CUX2: variants seen among roughly 807,000 people sequenced by gnomAD.
CUX2 encodes the protein homeobox protein cut-like 2.
CUX2 carries 40 observed loss-of-function variants against 144.8 expected under a neutral mutation model. The observed-to-expected ratio is 0.28, with a 90% CI of 0.21 to 0.36. CUX2 has a LOEUF of 0.36. Ranked by LOEUF, CUX2 falls within the 10% of genes least tolerant of loss-of-function variation. The pLI, the probability that CUX2 is intolerant of heterozygous loss-of-function variation, is 1.00. For synonymous variants in CUX2, 827 were observed against 875.6 expected (o/e 0.94, Z 0.98); for missense variants, 1,615 against 1,994.0 (o/e 0.81, Z 3.62).
chr12:111,202,836 T>C (rs1438508846), intron 1 of CUX2, among the ~76,000 whole-genome samples: 1 of 152,070 alleles, frequency 6.6e-6, no homozygotes, highest in Non-Finnish European at 1.5e-5. Flanking sequence ...CAGGACAGGC[T>C]TCTGGGAGAA....
At chr12:111,134,620 C>CTGTGTGTGTGTGTGTGTGTGTG (rs750270262) in intron 1 of CUX2, among the ~76,000 whole-genome samples, 132 of 142,198 alleles carry the variant, frequency 9.3e-4, no homozygotes, top group African/African-American at 3.5e-3. Context: ...CTCTCTCTCT[C>CTGTGTGTGTGTGTGTGTGTGTG]TGTGTGTGTG....
At chr12:111,092,805 ATTTTTTTTT>A (rs528129107) in intron 1 of CUX2, among the ~76,000 whole-genome samples, 7 of 106,036 alleles carry the variant, frequency 6.6e-5, no homozygotes, top group African/African-American at 2.1e-4. Context: ...GCTCTGGCAG[ATTTTTTTTT>A]TTTTTTTTTT....
Position 111,310,197 on chromosome 12 carries a change from G to A in CUX2, c.1415G>A (p.Gly472Asp). The A allele has an allele frequency of 6.5e-7, 1 of 1,527,688 alleles. No homozygotes were observed. Among genetic ancestry groups the A allele is most frequent in the Non-Finnish European group, 8.8e-7 (1 of 1,138,696 alleles). 94.6% of individuals were successfully genotyped at this position (1,527,688 alleles called of 1,614,324 possible). A position where few individuals can be genotyped will look rare whatever the true frequency, so the allele number is the denominator to read the frequency against. Reference protein sequence around the residue: ...PLLGPSLGPDGTRTFSLSPFP... With the variant: ...PLLGPSLGPDDTRTFSLSPFP... ...CTGGGCCCCAGCTTGGGGCCTGACG[G>A]CACTCGGACTTTCTCGCTGTCCCCC... The change falls in exon 15 of 22, where the codon GGC becomes GAC. Residue 472 changes from glycine (G) to aspartate (D), a missense_variant. Physicochemically the swap from Gly to Asp is moderately conservative, Grantham distance 94. This residue lies in a region of CUX2 where 154 missense variants were observed against 148.4 expected (regional missense o/e 1.04). Coordinates refer to ENST00000261726, the MANE Select transcript of CUX2 (RefSeq NM_015267.4). This position sits in a 1 kb window ranked among gnomAD's most constrained non-coding sequence, Gnocchi z 7.9.
At chr12:111,227,979 G>A (rs191256603) in intron 3 of CUX2, among the ~76,000 whole-genome samples, 1 of 152,296 alleles carries the variant, frequency 6.6e-6, no homozygotes, top group Admixed American at 6.5e-5. Flanking sequence ...CAGCGCCAGC[G>A]GCAATCACGT....
intron 1 of CUX2, among the ~76,000 whole-genome samples, chr12:111,136,004 G>A (rs1215361033): frequency 2.0e-5 from 3 of 152,184 alleles, no homozygotes; most frequent in South Asian, 2.1e-4. Flanking sequence ...AAGGAGGAGT[G>A]AGGGGGCAGG....
chr12:111,285,978 A>C (rs895523926), intron 4 of CUX2, among the ~76,000 whole-genome samples: 54 of 152,346 alleles, frequency 3.5e-4, no homozygotes, highest in African/African-American at 1.2e-3. Context: ...CCTGGGGTGG[A>C]AGGGATGTTG....
chr12:111,120,932 CG>C (rs369474426), intron 1 of CUX2, among the ~76,000 whole-genome samples: 1 of 151,958 alleles, frequency 6.6e-6, no homozygotes, highest in African/African-American at 2.4e-5. Flanking sequence ...GAAACCAGCC[CG>C]GGGGGGTCCT....
intron 9 of CUX2, 102 bp downstream of exon 9, chr12:111,298,691 T>C: frequency 1.7e-6 from 2 of 1,206,770 alleles, no homozygotes. Context: ...TTCATCAATA[T>C]TTATTCAACT....
intron 1 of CUX2, among the ~76,000 whole-genome samples, chr12:111,147,141 A>G (rs558625156): frequency 6.6e-6 from 1 of 152,244 alleles, no homozygotes; most frequent in Admixed American, 6.5e-5. Flanking sequence ...CTCAAAATAA[A>G]TAATGAATGA....
chr12:111,191,993 A>T (rs904962727), intron 1 of CUX2, among the ~76,000 whole-genome samples: 1 of 152,128 alleles, frequency 6.6e-6, no homozygotes, highest in African/African-American at 2.4e-5. Context: ...CAGTTTAATT[A>T]TGGGGGCTTT....
chr12:111,103,705 A>T (rs1873412145), intron 1 of CUX2, among the ~76,000 whole-genome samples: 1 of 152,310 alleles, frequency 6.6e-6, no homozygotes, highest in Middle Eastern at 3.4e-3. Flanking sequence ...AGAGAAACTT[A>T]TCTGGAGTCA....
At chr12:111,136,322 A>G (rs1237056835) in intron 1 of CUX2, among the ~76,000 whole-genome samples, 1 of 152,042 alleles carries the variant, frequency 6.6e-6, no homozygotes. Context: ...TTTGGCCTGA[A>G]CTATGGGAGG....
chr12:111,329,170 C>G, intron 18 of CUX2, among the ~76,000 whole-genome samples: 1 of 151,152 alleles, frequency 6.6e-6, no homozygotes, highest in Non-Finnish European at 1.5e-5. Context: ...TTCCCAGGAT[C>G]TGGAACTTTC....
chr12:111,313,835 G>T (rs1887032827), intron 16 of CUX2, among the ~76,000 whole-genome samples: 1 of 152,142 alleles, frequency 6.6e-6, no homozygotes, highest in South Asian at 2.1e-4. Context: ...CTGCTGTGGG[G>T]GCTTCTTGCA....
Position 111,293,491 on chromosome 12 carries a change from G to A in CUX2, c.482G>A (p.Gly161Glu). The part of the protein sequence containing the change: ...TSPAGPTLTE[G>E]SRLPGIPGKA... ...CCTGCCGGGCCCACGCTGACCGAGG[G>A]AAGCCGCCTCCCAGGCATTCCCGGG... Residue 161 changes from glycine to glutamate, a missense_variant, in exon 6 of 22, where the codon GGA (glycine) becomes GAA (glutamate). This residue lies in a region of CUX2 where 295 missense variants were observed against 400.2 expected (regional missense o/e 0.74). Transcript: ENST00000261726. The surrounding 1 kb of genome is among the most constrained non-coding windows in gnomAD (Gnocchi z 4.5). 6.2e-7 allele frequency: 1 copy of A among 1,608,494 alleles called. No individual in the cohort carries two copies. The highest frequency in any genetic ancestry group is 1.7e-5 in the Admixed American group (1 of 59,120).
chr12:111,201,619 C>T (rs995978634), intron 1 of CUX2, among the ~76,000 whole-genome samples: 1 of 152,178 alleles, frequency 6.6e-6, no homozygotes, highest in South Asian at 2.1e-4. Context: ...GCTCTCGGAA[C>T]CCTACCCAGC....
intron 1 of CUX2, among the ~76,000 whole-genome samples, chr12:111,042,167 T>C (rs1222555638): frequency 6.6e-6 from 1 of 152,216 alleles, no homozygotes; most frequent in Admixed American, 6.5e-5. Flanking sequence ...TGCTTAAGAC[T>C]CTGTGAGCCG....
At position 111,347,958 on chromosome 12, in the gene CUX2, A is replaced by G; in HGVS notation, c.4094A>G (p.Gln1365Arg). 6.2e-7 allele frequency: 1 copy of G among 1,614,070 alleles called. No homozygotes were observed. Among genetic ancestry groups the G allele is most frequent in the Non-Finnish European group, 8.5e-7 (1 of 1,180,002 alleles). ...GACTGTCCCTCACTTCATCCCCAAC[A>G]GGAGAGTGAGGCCGGGGAGCGACTT... Reference protein sequence around the residue: ...TPDCPSLHPQQESEAGERLHP... With the variant: ...TPDCPSLHPQRESEAGERLHP... Residue 1365 changes from glutamine (Q) to arginine (R), a missense_variant, in exon 22 of 22, where the codon CAG becomes CGG. Gln to Arg is a conservative substitution (Grantham distance 43). This residue lies in a region of CUX2 where 298 missense variants were observed against 330.4 expected (regional missense o/e 0.90). Transcript: ENST00000261726.
intron 4 of CUX2, among the ~76,000 whole-genome samples, chr12:111,265,308 A>T (rs918610601): frequency 2.3e-5 from 3 of 128,146 alleles, no homozygotes; most frequent in African/African-American, 7.0e-5. Flanking sequence ...ATTTTATTTT[A>T]TTTTTATTTT....
Sources: allele counts gnomAD v4.1 joint callset (sites outside exome capture counted in the v4.1 genomes callset), GRCh38; gene constraint gnomAD v4.1.1; regional missense constraint gnomAD v4.1.1; non-coding constraint Gnocchi (gnomAD v3.1); transcripts MANE v1.5; gene names NCBI Gene and HGNC (gene_info 2026-07-23, HGNC 2026-07-21).